The following SPRED1 variants were observed in gnomAD, a reference collection of about 807,000 sequenced individuals.
SPRED1 encodes the protein sprouty-related, EVH1 domain-containing protein 1.
Under a neutral mutation model 52.3 loss-of-function variants are expected in SPRED1, and 18 were observed. That is an observed-to-expected ratio of 0.34 (90% CI 0.24 to 0.51). The LOEUF is 0.51. Among genes scored for constraint, SPRED1 ranks in the 20% least tolerant of loss-of-function variants. The pLI, the probability that SPRED1 is intolerant of heterozygous loss-of-function variation, is 0.97. For missense variants in SPRED1, 485 were observed against 551.0 expected (o/e 0.88, Z 1.20); for synonymous variants, 155 against 179.7 (o/e 0.86, Z 1.10).
intron 4 of SPRED1, among the ~76,000 whole-genome samples, chr15:38,325,436 G>A (rs1017560251): frequency 1.1e-4 from 16 of 151,560 alleles, no homozygotes; most frequent in Non-Finnish European, 2.4e-4. Context: ...TATATAGAAA[G>A]TAAAGTTTCT....
chr15:38,335,211 G>T (rs1442525951), intron 4 of SPRED1, among the ~76,000 whole-genome samples: 1 of 151,994 alleles, frequency 6.6e-6, no homozygotes, highest in Non-Finnish European at 1.5e-5. Context: ...GAGTTCCTTA[G>T]CTAATACTTA....
chr15:38,286,206 T>C (rs1163204635), intron 1 of SPRED1, among the ~76,000 whole-genome samples: 2 of 119,282 alleles, frequency 1.7e-5, no homozygotes, highest in Non-Finnish European at 3.2e-5. Context: ...GCTATGATCA[T>C]GCCAACCGCA....
At chr15:38,277,157 C>T (rs903790924) in intron 1 of SPRED1, among the ~76,000 whole-genome samples, 25 of 152,054 alleles carry the variant, frequency 1.6e-4, no homozygotes, top group African/African-American at 4.8e-5. Context: ...CAAGGTTACA[C>T]GTGCAGGTTT....
intron 2 of SPRED1, among the ~76,000 whole-genome samples, chr15:38,300,721 G>C (rs1204801087): frequency 1.3e-5 from 2 of 152,096 alleles, no homozygotes; most frequent in Non-Finnish European, 2.9e-5. Flanking sequence ...TTTAAGTAGA[G>C]AACCCCGATT....
At chr15:38,254,481 C>T (rs949593807) in intron 1 of SPRED1, among the ~76,000 whole-genome samples, 1 of 151,926 alleles carries the variant, frequency 6.6e-6, no homozygotes, top group African/African-American at 2.4e-5. Context: ...TGTGAATCGC[C>T]CTCATTTGCA....
At chr15:38,285,677 C>T (rs573548885) in intron 1 of SPRED1, among the ~76,000 whole-genome samples, 6 of 152,156 alleles carry the variant, frequency 3.9e-5, no homozygotes, top group South Asian at 2.1e-4. Context: ...TCTTTCCGTG[C>T]GTGAAATATG....
At chr15:38,304,810 T>C (rs1351297251) in intron 2 of SPRED1, among the ~76,000 whole-genome samples, 1 of 152,220 alleles carries the variant, frequency 6.6e-6, no homozygotes, top group Non-Finnish European at 1.5e-5. Flanking sequence ...TTCAATTTCA[T>C]GTCTTCGCTA....
intron 3 of SPRED1, among the ~76,000 whole-genome samples, chr15:38,323,515 A>G (rs2140995686): frequency 6.6e-6 from 1 of 152,202 alleles, no homozygotes; most frequent in South Asian, 2.1e-4. Context: ...TGGGGAATAG[A>G]GTCGAGTCAT....
intron 2 of SPRED1, among the ~76,000 whole-genome samples, chr15:38,312,095 A>G (rs1352118244): frequency 1.3e-5 from 2 of 152,140 alleles, no homozygotes; most frequent in East Asian, 3.8e-4. Context: ...TCAAATTTAT[A>G]CATACTTTTT....
chr15:38,356,753 T>A lies in SPRED1; in HGVS notation c.*5089T>A, dbSNP rs1160439596. On this transcript the variant is annotated 3_prime_UTR_variant, in exon 7 of 7. Transcript: ENST00000299084. ...GTTTAACCCAGGACTACTGATTTTT[T>A]TATATTCAAGTCAGTTTCATCGTTT... 1 of 152,104 alleles carries A rather than the reference T, an allele frequency of 6.6e-6. No individual in the cohort carries two copies. Among genetic ancestry groups the A allele is most frequent in the Non-Finnish European group, 1.5e-5 (1 of 67,976 alleles). 9.4% of individuals were successfully genotyped at this position (152,104 alleles called of 1,614,324 possible). A position where few individuals can be genotyped will look rare whatever the true frequency, so the allele number is the denominator to read the frequency against.
At chr15:38,337,516 A>G (rs1895945852) in intron 4 of SPRED1, among the ~76,000 whole-genome samples, 1 of 152,172 alleles carries the variant, frequency 6.6e-6, no homozygotes, top group African/African-American at 2.4e-5. Context: ...AATTCCAGCT[A>G]TATTGGTAAA....
rs368277129 is a variant in SPRED1, at chr15:38,321,149, A to G, written c.208-1092A>G. Among the ~76,000 whole-genome samples the G allele has an allele frequency of 3.3e-5, 5 of 152,344 alleles. No individual in the cohort carries two copies. In the East Asian group the frequency reaches 9.6e-4, roughly 29 times the overall value. On this transcript the variant is annotated intron_variant, in intron 2 of 6. Coordinates refer to ENST00000299084, the MANE Select transcript of SPRED1 (RefSeq NM_152594.3). ...GTATTAAAGAGCAGTAGAACATAAT[A>G]TATGTAACTCCTTTGAAATAGTTCA...
chr15:38,286,720 T>C (rs140538812), intron 1 of SPRED1, among the ~76,000 whole-genome samples: 1 of 152,298 alleles, frequency 6.6e-6, no homozygotes, highest in Non-Finnish European at 1.5e-5. Flanking sequence ...ACCATGAATA[T>C]TTTTAAGAAT....
intron 1 of SPRED1, among the ~76,000 whole-genome samples, chr15:38,254,416 CTGCAGTGTCAG>C (rs911754616): frequency 6.6e-6 from 1 of 152,150 alleles, no homozygotes; most frequent in African/African-American, 2.4e-5. Context: ...AGGTACATTG[CTGCAGTGTCAG>C]TGCAGTGTAG....
At chr15:38,299,217 C>A in intron 1 of SPRED1, 156 bp from the exon 2 acceptor site, 2 of 864,692 alleles carry the variant, frequency 2.3e-6, no homozygotes, top group South Asian at 1.4e-5. Flanking sequence ...TGACCTCTTT[C>A]AAGTAGGCTA....
chr15:38,277,519 A>T (rs11073306), intron 1 of SPRED1, among the ~76,000 whole-genome samples: 18,399 of 152,144 alleles, frequency 0.12, 1,915 homozygotes, highest in East Asian at 0.54. Flanking sequence ...CCAGTCTGCC[A>T]TTGATGGGCA....
chr15:38,316,343 G>A (rs1160403110), intron 2 of SPRED1, among the ~76,000 whole-genome samples: 1 of 151,782 alleles, frequency 6.6e-6, no homozygotes, highest in Non-Finnish European at 1.5e-5. Context: ...AATGTTAACA[G>A]ACAAAAACAT....
chr15:38,328,545 T>C (rs928477123), intron 4 of SPRED1, among the ~76,000 whole-genome samples: 4 of 152,332 alleles, frequency 2.6e-5, no homozygotes, highest in Non-Finnish European at 5.9e-5. Flanking sequence ...TTCTTATCTT[T>C]TATTCCTGAT....
chr15:38,258,229 A>T (rs1894140444), intron 1 of SPRED1, among the ~76,000 whole-genome samples: 1 of 152,204 alleles, frequency 6.6e-6, no homozygotes, highest in African/African-American at 2.4e-5. Flanking sequence ...CTGTATGCCA[A>T]GCACTGTTAT....
Sources: allele counts gnomAD v4.1 joint callset (sites outside exome capture counted in the v4.1 genomes callset), GRCh38; gene constraint gnomAD v4.1.1; transcripts MANE v1.5; gene names NCBI Gene and HGNC (gene_info 2026-07-23, HGNC 2026-07-21).